Variants in TEP1 observed in about 807,000 individuals in gnomAD.
The protein encoded by TEP1 is telomerase protein component 1.
A neutral mutation model predicts 306.3 loss-of-function variants in TEP1; 241 were observed. The ratio of observed to expected loss-of-function variants is 0.79; its 90% CI spans 0.71 to 0.88. The LOEUF (loss-of-function observed/expected upper bound fraction) is 0.88, where lower values mean the gene tolerates loss of function less well. TEP1 is among the 40% of genes least tolerant of loss of function. The probability of loss-of-function intolerance (pLI) is 0.00; values close to 1 mark genes in which losing one functional copy is unlikely to be tolerated. For missense variants in TEP1, 3,051 were observed against 3,276.1 expected, an observed-to-expected ratio of 0.93 and a Z score of 1.68; for synonymous variants, 1,289 against 1,305.5, an observed-to-expected ratio of 0.99 and a Z score of 0.27.
chr14:20,395,998 G>T (rs1355740596), intron 10 of TEP1, 49 bp from the exon 11 acceptor site: 1 of 1,489,034 alleles, frequency 6.7e-7, no homozygotes, highest in Non-Finnish European at 9.4e-7. Flanking sequence ...CCGGGAGTAT[G>T]GGGGGCTTCA....
chr14:20,401,120 G>C lies in TEP1; in HGVS notation c.1413C>G (p.Leu471=), dbSNP rs139949220. The part of the protein sequence containing the change: ...LGYRYPSNLQ[L]FSRSRLPGPW... ...GCCCAGGAAGGCGACTTCGAGAAAA[G>C]AGCTGTAGGTTGGAGGGGTATCTGA... The change falls in exon 9 of 55, where the codon CTC becomes CTG. Residue 471 remains leucine (L), a synonymous_variant. Transcript: ENST00000262715. 681 of 1,614,192 alleles carry C rather than the reference G, an allele frequency of 4.2e-4. 3 individuals carry two copies. In the African/African-American group the frequency reaches 8.0e-3, roughly 19 times the overall value.
chr14:20,374,542 G>A lies in TEP1; in HGVS notation c.6364-6C>T. 1 of 1,604,492 alleles carries A rather than the reference G, an allele frequency of 6.2e-7. No individual in the cohort carries two copies. The highest frequency in any genetic ancestry group is 8.5e-7 in the Non-Finnish European group (1 of 1,173,364). ...CCATCACTGGAGCAGGATATCTACA[G>A]AGTCAGAAGTCAGAGGAGTGGGATT... On this transcript the variant is annotated splice_polypyrimidine_tract_variant and splice_region_variant and intron_variant, in intron 43 of 54. Coordinates refer to ENST00000262715, the MANE Select transcript of TEP1 (RefSeq NM_007110.5).
At chr14:20,410,778 C>T (rs1298560785) in intron 1 of TEP1, among the ~76,000 whole-genome samples, 2 of 133,328 alleles carry the variant, frequency 1.5e-5, no homozygotes, top group Non-Finnish European at 3.3e-5. Context: ...TATTAGCCCA[C>T]TTGCTAATTG....
intron 28 of TEP1, 79 bp downstream of exon 28, chr14:20,382,544 G>A (rs905714870): frequency 2.3e-5 from 36 of 1,570,056 alleles, no homozygotes; most frequent in South Asian, 1.4e-4. Flanking sequence ...AGCAAAGGAC[G>A]TGGGATAGGG....
At chr14:20,377,516 G>A (rs1440176363) in intron 40 of TEP1, 24 bp from the exon 41 acceptor site, 5 of 1,612,594 alleles carry the variant, frequency 3.1e-6, no homozygotes, top group Non-Finnish European at 4.2e-6. Context: ...GAGAACAAGG[G>A]AGTAAGACAC....
At position 20,372,762 on chromosome 14, in the gene TEP1, C is replaced by A. The variant is rs986163997; in HGVS notation, c.7047G>T (p.Leu2349=). ...AATTTCCGGGTGCCGAACCCTTCCG[C>A]AGTTTCACTTGCCACTCGCTGATTT... ...DEKISEWQVK[L]RKGSAPGNLS... The change falls in exon 49 of 55, where the codon CTG becomes CTT. Residue 2349 remains leucine, a synonymous_variant. Coordinates refer to ENST00000262715, the MANE Select transcript of TEP1 (RefSeq NM_007110.5). 3 of 1,614,002 alleles carry A rather than the reference C, an allele frequency of 1.9e-6. No individual in the cohort carries two copies. The highest frequency in any genetic ancestry group is 3.3e-5 in the Admixed American group (2 of 59,998).
At position 20,377,443 on chromosome 14, in the gene TEP1, C is replaced by G; in HGVS notation, c.5925G>C (p.Leu1975=). 1 of 1,614,136 alleles carries G rather than the reference C, an allele frequency of 6.2e-7. No individual in the cohort carries two copies. The highest frequency in any genetic ancestry group is 8.5e-7 in the Non-Finnish European group (1 of 1,180,026). Residue 1975 remains leucine (L), a synonymous_variant, in exon 41 of 55, where the codon CTG becomes CTC. Coordinates refer to ENST00000262715, the MANE Select transcript of TEP1 (RefSeq NM_007110.5). ...GQALDVAVSA[L]AWLSPKVLVS... Reference sequence around the variant, plus strand: ...CCAATACCTTGGGGCTTAGCCAGGCCAGGGCGGACACTGCCACATCCAGTG... The same window carrying G: ...CCAATACCTTGGGGCTTAGCCAGGCGAGGGCGGACACTGCCACATCCAGTG...
intron 49 of TEP1, among the ~76,000 whole-genome samples, chr14:20,372,362 A>ATGTGTGTG (rs1207479974): frequency 9.6e-5 from 13 of 135,006 alleles, no homozygotes; most frequent in Admixed American, 3.1e-4. Flanking sequence ...CCCCAGGAAT[A>ATGTGTGTG]TGTGTGTGTG....
chr14:20,376,356 G>A, intron 41 of TEP1, 92 bp from the exon 42 acceptor site: 1 of 1,345,090 alleles, frequency 7.4e-7, no homozygotes, highest in Non-Finnish European at 1.0e-6. Flanking sequence ...CATGGGGGCT[G>A]AGGGTGACAC....
rs752340084 is a variant in TEP1, at chr14:20,375,760, G to A, written c.6358C>T (p.Leu2120=). Residue 2120 remains leucine, a synonymous_variant, in exon 43 of 55, where the codon CTA becomes TTA. Transcript: ENST00000262715. The stretch of plus-strand genomic sequence containing the variant: ...ACCCCTGGCCCTTTACTCACCAGTA[G>A]GTTATCTTTGGTCCAGGCACAGCCA... ...VTGCAWTKDN[L]LISCSSDGSV... 1.6e-5 allele frequency: 26 copies of A among 1,612,254 alleles called. 1 individual carries two copies. In the Middle Eastern group the frequency reaches 2.6e-3, roughly 164 times the overall value.
intron 9 of TEP1, among the ~76,000 whole-genome samples, chr14:20,399,881 G>T (rs558858344): frequency 6.6e-6 from 1 of 151,886 alleles, no homozygotes; most frequent in Admixed American, 6.6e-5. Context: ...TCTTCATATG[G>T]CTGGGCGTGG....
At chr14:20,379,209 T>C in intron 35 of TEP1, 104 bp from the exon 36 acceptor site, 1 of 1,450,184 alleles carries the variant, frequency 6.9e-7, no homozygotes, top group Non-Finnish European at 9.3e-7. Flanking sequence ...ACAAAGGCCA[T>C]GAGTCCTTGG....
intron 16 of TEP1, 42 bp from the exon 17 acceptor site, chr14:20,389,339 C>T (rs761622385): frequency 1.2e-6 from 2 of 1,604,420 alleles, no homozygotes; most frequent in South Asian, 2.2e-5. Context: ...ACAAACAATA[C>T]CTGGAACACA....
At chr14:20,386,668 A>AC in intron 18 of TEP1, 45 bp from the exon 19 acceptor site, 3 of 1,505,652 alleles carry the variant, frequency 2.0e-6, no homozygotes, top group Admixed American at 4.1e-5. Flanking sequence ...GATGATTCCC[A>AC]CCCCCCATCC....
chr14:20,394,726 C>T (rs925779382), intron 12 of TEP1, among the ~76,000 whole-genome samples: 11 of 152,000 alleles, frequency 7.2e-5, no homozygotes, highest in African/African-American at 2.4e-4. Context: ...GATCCACCTG[C>T]CTCGTGATCC....
At chr14:20,391,811 CTGCCCCTT>C in intron 12 of TEP1, 44 bp from the exon 13 acceptor site, 1 of 1,601,540 alleles carries the variant, frequency 6.2e-7, no homozygotes, top group South Asian at 1.1e-5. Context: ...AGGGACTTAT[CTGCCCCTT>C]AGAGGCAGAC....
intron 15 of TEP1, 22 bp from the exon 16 acceptor site, chr14:20,389,762 G>C: frequency 1.2e-6 from 2 of 1,613,522 alleles, no homozygotes; most frequent in Non-Finnish European, 1.7e-6. Context: ...AAAGGGAGAA[G>C]ATGCTAGAGA....
intron 41 of TEP1, among the ~76,000 whole-genome samples, chr14:20,376,475 C>T (rs913449034): frequency 6.6e-6 from 1 of 152,160 alleles, no homozygotes; most frequent in African/African-American, 2.4e-5. Flanking sequence ...TGCGGCACTC[C>T]CAGCTCCAGC....
At chr14:20,384,948 G>A in intron 21 of TEP1, 37 bp downstream of exon 21, 1 of 1,613,752 alleles carries the variant, frequency 6.2e-7, no homozygotes, top group Non-Finnish European at 8.5e-7. Context: ...CTGGCCTTTT[G>A]GGGAAGGAGC....
Sources: allele counts gnomAD v4.1 joint callset (sites outside exome capture counted in the v4.1 genomes callset), GRCh38; gene constraint gnomAD v4.1.1; transcripts MANE v1.5; gene names NCBI Gene and HGNC (gene_info 2026-07-23, HGNC 2026-07-21).